Variants in FBLN1 observed in about 807,000 individuals in gnomAD.
The protein encoded by FBLN1 is fibulin 1.
In FBLN1, 34 loss-of-function variants were observed where a neutral mutation model predicts 89.7. The observed-to-expected ratio is 0.38, with a 90% CI of 0.29 to 0.50. FBLN1 has a LOEUF of 0.50. Ranked by LOEUF, FBLN1 falls within the 20% of genes least tolerant of loss-of-function variation. The pLI, the probability that FBLN1 is intolerant of heterozygous loss-of-function variation, is 0.92. For synonymous variants in FBLN1, 393 were observed against 391.3 expected (o/e 1.00, Z -0.05); for missense variants, 777 against 988.1 (o/e 0.79, Z 2.86).
Position 45,575,619 on chromosome 22 carries a change from GTGT to G in FBLN1, c.1840+967_1840+969del, listed in dbSNP as rs2088990467. On this transcript the variant is annotated intron_variant, in intron 15 of 16. Coordinates refer to ENST00000327858, the MANE Select transcript of FBLN1 (RefSeq NM_006486.3). This position sits in a 1 kb window ranked among gnomAD's most constrained non-coding sequence, Gnocchi z 6.3. ...GCCAGACGGGGAGCAGGAAGCTCAG[GTGT>G]AACCCAGTCAGTGCTCCCACACCCC... Among the ~76,000 whole-genome samples the G allele has an allele frequency of 2.0e-5, 3 of 152,250 alleles. No homozygotes were observed. The South Asian group carries it at 6.2e-4, about 32-fold the overall frequency.
rs1343393795 is a variant in FBLN1, at chr22:45,568,730, GCT to G, written c.1698-5779_1698-5778del. Among the ~76,000 whole-genome samples, 11 of 81,556 alleles carry G rather than the reference GCT, an allele frequency of 1.3e-4. 2 individuals are homozygous for G. The highest frequency in any genetic ancestry group is 5.8e-4 in the African/African-American group (10 of 17,328). 53.5% of individuals were successfully genotyped at this position (81,556 alleles called of 152,430 possible). A position where few individuals can be genotyped will look rare whatever the true frequency, so the allele number is the denominator to read the frequency against. On this transcript the variant is annotated intron_variant, in intron 14 of 16. Coordinates refer to ENST00000327858, the MANE Select transcript of FBLN1 (RefSeq NM_006486.3). Reference sequence around the variant, plus strand: ...GGGAGTGCTCCTTCTGTAGGAGAATGCTCCTGTAGGGGACTTCTGTAGGGGAG... The same window carrying G: ...GGGAGTGCTCCTTCTGTAGGAGAATGCCTGTAGGGGACTTCTGTAGGGGAG...
At chr22:45,587,117 C>A (rs11090644) in intron 16 of FBLN1, among the ~76,000 whole-genome samples, 102,686 of 151,406 alleles carry the variant, frequency 0.68, 35,621 homozygotes, top group African/African-American at 0.81. Flanking sequence ...CTCCCCTCGT[C>A]ATGTACGTGC....
chr22:45,581,242 G>A lies in FBLN1; in HGVS notation c.1972+4134G>A, dbSNP rs2089039581. Among the ~76,000 whole-genome samples the A allele has an allele frequency of 6.6e-6, 1 of 152,132 alleles. No homozygotes were observed. The highest frequency in any genetic ancestry group is 2.4e-5 in the African/African-American group (1 of 41,438). On this transcript the variant is annotated intron_variant, in intron 16 of 16. Coordinates refer to ENST00000327858, the MANE Select transcript of FBLN1 (RefSeq NM_006486.3). This position sits in a 1 kb window ranked among gnomAD's most constrained non-coding sequence, Gnocchi z 7.6. ...CCACCCGGGCTCCCCGGGCCCCTGG[G>A]CTATGGCTGCTGTCTGAGCCTCAGA...
At chr22:45,541,866 T>G (rs1297575509) in intron 9 of FBLN1, among the ~76,000 whole-genome samples, 1 of 152,194 alleles carries the variant, frequency 6.6e-6, no homozygotes, top group African/African-American at 2.4e-5. Flanking sequence ...GGAAGGAGCC[T>G]TCCTCGCATA....
chr22:45,524,908 A>T (rs1051255099), intron 2 of FBLN1, among the ~76,000 whole-genome samples: 2 of 152,130 alleles, frequency 1.3e-5, no homozygotes, highest in East Asian at 3.9e-4. Context: ...AACACAGTGA[A>T]ACCCCGTCTC....
intron 16 of FBLN1, among the ~76,000 whole-genome samples, chr22:45,584,450 T>C (rs2146655586): frequency 6.6e-6 from 1 of 152,358 alleles, no homozygotes; most frequent in South Asian, 2.1e-4. Context: ...GAGTGGCCCC[T>C]TTTAGGCAAA....
intron 8 of FBLN1, among the ~76,000 whole-genome samples, chr22:45,540,422 GC>G (rs151294180): frequency 7.6e-4 from 116 of 152,300 alleles, no homozygotes; most frequent in African/African-American, 2.7e-3. Context: ...GGTGGACTTG[GC>G]TGGCAGGGAG....
chr22:45,594,690 G>A (rs1348544057), intron 16 of FBLN1, among the ~76,000 whole-genome samples: 12 of 123,628 alleles, frequency 9.7e-5, no homozygotes, highest in African/African-American at 4.4e-4. Context: ...GGATGGATTG[G>A]TGGATAGATG....
At position 45,535,396 on chromosome 22, in the gene FBLN1, T is replaced by C. The variant is rs1876814398; in HGVS notation, c.922+59T>C. 2.5e-6 allele frequency: 4 copies of C among 1,603,314 alleles called. No individual in the cohort carries two copies. The South Asian group carries it at 3.3e-5, about 13-fold the overall frequency. On this transcript the variant is annotated intron_variant, in intron 8 of 16. Coordinates refer to ENST00000327858, the MANE Select transcript of FBLN1 (RefSeq NM_006486.3). ...TCCAGGAGGGGCCAGCGACCTAGCCTTGGGGCAGGCCTCTAGAATCTGCGG... is the reference window on the plus strand; with the variant it reads ...TCCAGGAGGGGCCAGCGACCTAGCCCTGGGGCAGGCCTCTAGAATCTGCGG...
Position 45,575,309 on chromosome 22 carries a change from G to A in FBLN1, c.1840+656G>A, listed in dbSNP as rs1431390646. ...GGGTCCTGAGTGGTGAGGTATTTGA[G>A]TGAAAGGGGGAGAAGGGGAGGAGGG... On this transcript the variant is annotated intron_variant, in intron 15 of 16. Transcript: ENST00000327858. This position sits in a 1 kb window ranked among gnomAD's most constrained non-coding sequence, Gnocchi z 6.3. 3.3e-5 allele frequency among the ~76,000 whole-genome samples: 5 copies of A among 152,160 alleles called. No homozygotes were observed. Among genetic ancestry groups the A allele is most frequent in the Non-Finnish European group, 1.5e-5 (1 of 68,030 alleles).
intron 11 of FBLN1, among the ~76,000 whole-genome samples, chr22:45,546,006 G>A (rs2088621604): frequency 6.6e-6 from 1 of 151,974 alleles, no homozygotes; most frequent in South Asian, 2.1e-4. Context: ...AAATTAGCCG[G>A]GCATGGTGGT....
chr22:45,511,243 C>T lies in FBLN1; in HGVS notation c.80-7439C>T, dbSNP rs531994370. Among the ~76,000 whole-genome samples, 6 of 151,950 alleles carry T rather than the reference C, an allele frequency of 3.9e-5. No homozygotes were observed. The South Asian group carries it at 6.2e-4, about 16-fold the overall frequency. ...GATCTCAGCTCACTGCAACCTCTGC[C>T]TCCTGGGTTCAAGTGATTCTCCTGC... On this transcript the variant is annotated intron_variant, in intron 1 of 16. Transcript: ENST00000327858.
At position 45,525,752 on chromosome 22, in the gene FBLN1, G is replaced by A. The variant is rs1301418059; in HGVS notation, c.321+74G>A. 3.4e-5 allele frequency: 53 copies of A among 1,540,138 alleles called. No individual in the cohort carries two copies. The Admixed American group carries it at 7.7e-4, about 22-fold the overall frequency. ...CAGACCCAGGCCCTCCCAGCCAAGC[G>A]GCACTGTCTGTCAGCGCTCCCTGCC... On this transcript the variant is annotated intron_variant, in intron 3 of 16. Transcript: ENST00000327858.
intron 14 of FBLN1, among the ~76,000 whole-genome samples, chr22:45,566,708 G>A (rs2088904251): frequency 6.6e-6 from 1 of 152,192 alleles, no homozygotes; most frequent in Non-Finnish European, 1.5e-5. Context: ...GAAGGTAACT[G>A]GGTGTTCGTG....
Position 45,574,500 on chromosome 22 carries a change from G to T in FBLN1, c.1698-11G>T. ...TTCCCCGTCAGCCTCGTGTGCTGTG[G>T]TTCCCCTCAGGCTCCAGCAGGAGAA... On this transcript the variant is annotated splice_polypyrimidine_tract_variant and intron_variant, in intron 14 of 16. Coordinates refer to ENST00000327858, the MANE Select transcript of FBLN1 (RefSeq NM_006486.3). The surrounding 1 kb of genome is among the most constrained non-coding windows in gnomAD (Gnocchi z 4.1). 6.2e-7 allele frequency: 1 copy of T among 1,614,066 alleles called. No homozygotes were observed. Among genetic ancestry groups the T allele is most frequent in the Non-Finnish European group, 8.5e-7 (1 of 1,180,030 alleles).
At position 45,532,687 on chromosome 22, in the gene FBLN1, T is replaced by C. The variant is rs2088424309; in HGVS notation, c.545-376T>C. Among the ~76,000 whole-genome samples, 1 of 151,900 alleles carries C rather than the reference T, an allele frequency of 6.6e-6. No individual in the cohort carries two copies. The highest frequency in any genetic ancestry group is 1.5e-5 in the Non-Finnish European group (1 of 67,934). On this transcript the variant is annotated intron_variant, in intron 5 of 16. Coordinates refer to ENST00000327858, the MANE Select transcript of FBLN1 (RefSeq NM_006486.3). The surrounding 1 kb of genome is among the most constrained non-coding windows in gnomAD (Gnocchi z 4.2). ...GCAGTGGGACAGCTCGAGAGTTCAGTGAGGAGCAGGTACATGAGGCCTAGT... is the reference window on the plus strand; with the variant it reads ...GCAGTGGGACAGCTCGAGAGTTCAGCGAGGAGCAGGTACATGAGGCCTAGT...
chr22:45,528,075 C>A, intron 4 of FBLN1, 66 bp downstream of exon 4: 1 of 1,556,562 alleles, frequency 6.4e-7, no homozygotes, highest in Non-Finnish European at 8.9e-7. Context: ...GTATATAGAG[C>A]GAGAGTGGAG....
chr22:45,590,434 G>A lies in FBLN1; in HGVS notation c.1973-9873G>A, dbSNP rs1034449679. Among the ~76,000 whole-genome samples, 4 of 152,226 alleles carry A rather than the reference G, an allele frequency of 2.6e-5. No homozygotes were observed. The highest frequency in any genetic ancestry group is 9.6e-5 in the African/African-American group (4 of 41,452). On this transcript the variant is annotated intron_variant, in intron 16 of 16. Transcript: ENST00000327858. The surrounding 1 kb of genome is among the most constrained non-coding windows in gnomAD (Gnocchi z 4.1). Reference sequence around the variant, plus strand: ...GTGTGGCTGGGGCAGTGTGCTGAGAGCTGGGCTGGACGGGGCCGTGGGCCT... The same window carrying A: ...GTGTGGCTGGGGCAGTGTGCTGAGAACTGGGCTGGACGGGGCCGTGGGCCT...
Position 45,600,474 on chromosome 22 carries a change from G to T in FBLN1, c.*28G>T, listed in dbSNP as rs1201049860. On this transcript the variant is annotated 3_prime_UTR_variant, in exon 17 of 17. Coordinates refer to ENST00000327858, the MANE Select transcript of FBLN1 (RefSeq NM_006486.3). ...GCTGGTCTGCCGCACAGCCGCAGGTGCACCTCCAGGCCAAATCATTGCTGC... is the reference window on the plus strand; with the variant it reads ...GCTGGTCTGCCGCACAGCCGCAGGTTCACCTCCAGGCCAAATCATTGCTGC... 6.2e-7 allele frequency: 1 copy of T among 1,613,880 alleles called. No homozygotes were observed. The highest frequency in any genetic ancestry group is 1.1e-5 in the South Asian group (1 of 91,072).
Sources: allele counts gnomAD v4.1 joint callset (sites outside exome capture counted in the v4.1 genomes callset), GRCh38; gene constraint gnomAD v4.1.1; non-coding constraint Gnocchi (gnomAD v3.1); transcripts MANE v1.5; gene names NCBI Gene and HGNC (gene_info 2026-07-23, HGNC 2026-07-21).